The following PDGFD variants were observed in gnomAD, a reference collection of about 807,000 sequenced individuals.
The protein encoded by PDGFD is platelet-derived growth factor D.
PDGFD carries 30 observed loss-of-function variants against 44.7 expected under a neutral mutation model. The observed-to-expected ratio is 0.67, with a 90% CI of 0.50 to 0.91. The LOEUF is 0.91. Ranked by LOEUF, PDGFD falls within the 40% of genes least tolerant of loss-of-function variation. PDGFD has a pLI of 0.00. For missense variants in PDGFD, 445 were observed against 457.8 expected (o/e 0.97, Z 0.25); for synonymous variants, 173 against 168.4 (o/e 1.03, Z -0.21).
At chr11:103,923,087 C>G (rs553146303) in intron 6 of PDGFD, among the ~76,000 whole-genome samples, 16 of 152,242 alleles carry the variant, frequency 1.1e-4, no homozygotes, top group Admixed American at 7.9e-4. Context: ...CTCTGTGTCA[C>G]GTAAAACATA....
chr11:103,997,502 T>C (rs969258668), intron 2 of PDGFD, among the ~76,000 whole-genome samples: 4 of 152,192 alleles, frequency 2.6e-5, no homozygotes, highest in Admixed American at 6.5e-5. Flanking sequence ...AGTTTCCTTA[T>C]GGATAAAATA....
intron 5 of PDGFD, among the ~76,000 whole-genome samples, chr11:103,937,521 G>A (rs1356248816): frequency 6.6e-6 from 1 of 151,800 alleles, no homozygotes; most frequent in Non-Finnish European, 1.5e-5. Context: ...AAATTCATAG[G>A]TATATGTTTT....
At chr11:104,019,545 C>T (rs566553573) in intron 1 of PDGFD, among the ~76,000 whole-genome samples, 197 of 152,214 alleles carry the variant, frequency 1.3e-3, no homozygotes, top group Non-Finnish European at 2.2e-3. Flanking sequence ...ATGGCAGACA[C>T]GATACGGCCA....
chr11:104,023,399 C>T (rs922534751), intron 1 of PDGFD, among the ~76,000 whole-genome samples: 2 of 152,048 alleles, frequency 1.3e-5, no homozygotes, highest in Non-Finnish European at 2.9e-5. Context: ...TGCCATTTCA[C>T]TCAATCCACC....
At chr11:103,938,001 C>G (rs1858519429) in intron 5 of PDGFD, among the ~76,000 whole-genome samples, 1 of 150,870 alleles carries the variant, frequency 6.6e-6, no homozygotes, top group South Asian at 2.1e-4. Flanking sequence ...GTGAATAGTG[C>G]TGCTATAAAC....
intron 6 of PDGFD, among the ~76,000 whole-genome samples, chr11:103,920,101 C>T (rs559828): frequency 0.55 from 84,183 of 151,998 alleles, 24,292 homozygotes; most frequent in African/African-American, 0.72. Context: ...TCCCAAGACA[C>T]AGTACTCAGT....
chr11:103,931,539 A>G (rs1858398984), intron 5 of PDGFD, among the ~76,000 whole-genome samples: 1 of 152,172 alleles, frequency 6.6e-6, no homozygotes, highest in South Asian at 2.1e-4. Flanking sequence ...AGAGAATCCA[A>G]TTAAACTGCT....
chr11:103,967,429 C>G (rs779156646), intron 3 of PDGFD, among the ~76,000 whole-genome samples: 1 of 152,200 alleles, frequency 6.6e-6, no homozygotes, highest in Non-Finnish European at 1.5e-5. Context: ...AATCTGAAGT[C>G]TTAGATGCAA....
chr11:104,138,371 A>G (rs976585003), intron 1 of PDGFD, among the ~76,000 whole-genome samples: 11 of 152,238 alleles, frequency 7.2e-5, no homozygotes, highest in Non-Finnish European at 1.6e-4. Context: ...ATTTCACTAT[A>G]TAGCTCATTA....
chr11:104,075,858 C>G (rs1378842713), intron 1 of PDGFD, among the ~76,000 whole-genome samples: 2 of 152,138 alleles, frequency 1.3e-5, no homozygotes, highest in Non-Finnish European at 2.9e-5. Flanking sequence ...GCGCTGAACA[C>G]CGGAATTATT....
Position 103,909,512 on chromosome 11 carries a change from G to T in PDGFD, c.*182C>A. 6.0e-6 allele frequency: 4 copies of T among 669,402 alleles called. No homozygotes were observed. The highest frequency in any genetic ancestry group is 1.0e-5 in the Non-Finnish European group (4 of 390,296). The allele number at this position is 669,402 out of a possible 1,614,324, so 41.5% of individuals were successfully genotyped here. On this transcript the variant is annotated 3_prime_UTR_variant, in exon 7 of 7. Coordinates refer to ENST00000393158, the MANE Select transcript of PDGFD (RefSeq NM_025208.5). ...TCCTATATTCTTAGGTATAGAAGTTGATGATATACCTTTCTACTTGCCATG... is the reference window on the plus strand; with the variant it reads ...TCCTATATTCTTAGGTATAGAAGTTTATGATATACCTTTCTACTTGCCATG...
At chr11:104,082,596 AC>A (rs1433596618) in intron 1 of PDGFD, among the ~76,000 whole-genome samples, 1 of 149,370 alleles carries the variant, frequency 6.7e-6, no homozygotes, top group Non-Finnish European at 1.5e-5. Context: ...TTGTATCATG[AC>A]CATAGTTAAT....
intron 6 of PDGFD, among the ~76,000 whole-genome samples, chr11:103,920,066 T>C (rs369722404): frequency 6.6e-6 from 1 of 152,226 alleles, no homozygotes; most frequent in African/African-American, 2.4e-5. Flanking sequence ...GTGGCTGGCA[T>C]TGTAACAGAA....
At chr11:104,136,284 G>A (rs1156459065) in intron 1 of PDGFD, among the ~76,000 whole-genome samples, 1 of 152,148 alleles carries the variant, frequency 6.6e-6, no homozygotes, top group Non-Finnish European at 1.5e-5. Flanking sequence ...ACATTCTAAA[G>A]AAACAAAGTA....
At chr11:104,020,707 A>G (rs1859936462) in intron 1 of PDGFD, among the ~76,000 whole-genome samples, 1 of 152,128 alleles carries the variant, frequency 6.6e-6, no homozygotes, top group African/African-American at 2.4e-5. Context: ...GCCAAATTTC[A>G]TATCTATCCT....
At chr11:104,029,146 TAGAG>T (rs1860088990) in intron 1 of PDGFD, among the ~76,000 whole-genome samples, 1 of 152,162 alleles carries the variant, frequency 6.6e-6, no homozygotes, top group Admixed American at 6.5e-5. Context: ...TCTTTCAGAA[TAGAG>T]AGACAACCTG....
At chr11:103,969,743 C>T (rs1179313297) in intron 3 of PDGFD, among the ~76,000 whole-genome samples, 1 of 151,634 alleles carries the variant, frequency 6.6e-6, no homozygotes, top group Non-Finnish European at 1.5e-5. Flanking sequence ...CCATATTTGG[C>T]TTAATTTAGG....
At chr11:104,132,673 A>G (rs1036273603) in intron 1 of PDGFD, among the ~76,000 whole-genome samples, 1 of 152,100 alleles carries the variant, frequency 6.6e-6, no homozygotes, top group East Asian at 1.9e-4. Context: ...TATTTCACAT[A>G]ATTATTTATG....
intron 1 of PDGFD, among the ~76,000 whole-genome samples, chr11:104,101,091 G>A (rs1861370604): frequency 6.6e-6 from 1 of 152,106 alleles, no homozygotes; most frequent in Non-Finnish European, 1.5e-5. Flanking sequence ...AGTGTTGGAA[G>A]TTCTGGCCAG....
Sources: allele counts gnomAD v4.1 joint callset (sites outside exome capture counted in the v4.1 genomes callset), GRCh38; gene constraint gnomAD v4.1.1; transcripts MANE v1.5; gene names NCBI Gene and HGNC (gene_info 2026-07-23, HGNC 2026-07-21).